The following PEX7 variants were observed in gnomAD, a reference collection of about 807,000 sequenced individuals.
PEX7 encodes the protein PTS2 receptor.
Under a neutral mutation model 47.5 loss-of-function variants are expected in PEX7, and 34 were observed. The ratio of observed to expected loss-of-function variants is 0.72; its 90% CI spans 0.54 to 0.95. The LOEUF (loss-of-function observed/expected upper bound fraction) is 0.95. PEX7 is among the 40% of genes least tolerant of loss of function. The probability of loss-of-function intolerance (pLI) is 0.00; values close to 1 mark genes in which losing one functional copy is unlikely to be tolerated. For missense variants in PEX7, 394 were observed against 400.3 expected (o/e 0.98, Z 0.13); for synonymous variants, 141 against 148.8 (o/e 0.95, Z 0.38).
intron 3 of PEX7, among the ~76,000 whole-genome samples, chr6:136,845,189 T>C (rs1303912491): frequency 6.6e-6 from 1 of 152,248 alleles, no homozygotes; most frequent in South Asian, 2.1e-4. Context: ...CTGCAAGCTT[T>C]TTCTAAGAAA....
chr6:136,891,932 A>G (rs992010883), intron 8 of PEX7, among the ~76,000 whole-genome samples: 7 of 152,076 alleles, frequency 4.6e-5, no homozygotes, highest in African/African-American at 1.7e-4. Flanking sequence ...GACCACTTCT[A>G]TTTTTTAATC....
chr6:136,883,695 G>A (rs1408177331), intron 8 of PEX7, among the ~76,000 whole-genome samples: 1 of 152,098 alleles, frequency 6.6e-6, no homozygotes, highest in African/African-American at 2.4e-5. Flanking sequence ...CCTTAGGCCT[G>A]CATATTCAGC....
At chr6:136,829,953 A>G (rs1440887082) in intron 3 of PEX7, 3 of 697,014 alleles carry the variant, frequency 4.3e-6, no homozygotes, top group Non-Finnish European at 7.9e-6. Flanking sequence ...AAGTTATTAA[A>G]AAAAAAAGTT....
intron 8 of PEX7, among the ~76,000 whole-genome samples, chr6:136,887,424 C>G (rs1775485095): frequency 6.6e-6 from 1 of 152,078 alleles, no homozygotes; most frequent in Admixed American, 6.6e-5. Flanking sequence ...ATCTGGCACT[C>G]AGAATTTTAT....
chr6:136,904,632 C>CT lies in PEX7; in HGVS notation c.903+6409dup, dbSNP rs772446747. Among the ~76,000 whole-genome samples, 735 of 129,582 alleles carry CT rather than the reference C, an allele frequency of 5.7e-3. 6 individuals are homozygous for CT. The highest frequency in any genetic ancestry group is 0.038 in the East Asian group (171 of 4,530). 85.0% of individuals were successfully genotyped at this position (129,582 alleles called of 152,430 possible). On this transcript the variant is annotated intron_variant, in intron 9 of 9. Coordinates refer to ENST00000318471, the MANE Select transcript of PEX7 (RefSeq NM_000288.4). ...ATAAGGGGGAGTTTCCCTGCACAAG[C>CT]TTTTTTTTTTTTTTTTTTACTGCTG...
chr6:136,869,883 T>C lies in PEX7; in HGVS notation c.634-7T>C, dbSNP rs367566981. 2.5e-6 allele frequency: 4 copies of C among 1,605,454 alleles called. No individual in the cohort carries two copies. Among genetic ancestry groups the C allele is most frequent in the African/African-American group, 1.3e-5 (1 of 74,758 alleles). On this transcript the variant is annotated splice_polypyrimidine_tract_variant and splice_region_variant and intron_variant, in intron 6 of 9. Coordinates refer to ENST00000318471, the MANE Select transcript of PEX7 (RefSeq NM_000288.4). The stretch of plus-strand genomic sequence containing the variant: ...TCACAGTTTATGTTTCTCTGAATTG[T>C]TTTTAGAATTTGCTGGTGACCGGGG...
intron 5 of PEX7, among the ~76,000 whole-genome samples, chr6:136,865,171 C>T (rs1775037114): frequency 6.6e-6 from 1 of 152,102 alleles, no homozygotes; most frequent in African/African-American, 2.4e-5. Context: ...AGCTTGTTGG[C>T]CAGGCATGGT....
At chr6:136,875,338 C>T (rs1775252473) in intron 8 of PEX7, among the ~76,000 whole-genome samples, 1 of 151,586 alleles carries the variant, frequency 6.6e-6, no homozygotes, top group Non-Finnish European at 1.5e-5. Flanking sequence ...CCCATAGATT[C>T]TGATATATAA....
chr6:136,823,046 C>T (rs954934806), intron 1 of PEX7: 6 of 985,318 alleles, frequency 6.1e-6, no homozygotes, highest in Admixed American at 1.2e-4. Context: ...AGCCCGTGTC[C>T]TTGTTCCTTG....
In PEX7 at chr6:136,852,229, A is replaced by G. The variant is rs368150975; in HGVS notation, c.526+6048A>G. The stretch of plus-strand genomic sequence containing the variant: ...TCAGCTTTCTGGAAGCACTGGAAGC[A>G]TTCCCTTTGAAAACTGGCACAAGAC... On this transcript the variant is annotated intron_variant, in intron 5 of 9. Transcript: ENST00000318471. Among the ~76,000 whole-genome samples, 36 of 152,208 alleles carry G rather than the reference A, an allele frequency of 2.4e-4. 4 individuals are homozygous for G. Among genetic ancestry groups the G allele is most frequent in the Admixed American group, 9.8e-4 (15 of 15,264 alleles).
intron 9 of PEX7, among the ~76,000 whole-genome samples, chr6:136,906,155 C>T (rs1369708388): frequency 4.6e-5 from 7 of 152,066 alleles, no homozygotes; most frequent in African/African-American, 9.7e-5. Flanking sequence ...ACCTGAAATA[C>T]GTTAAAGGTA....
chr6:136,868,974 A>C (rs1775123838), intron 6 of PEX7, among the ~76,000 whole-genome samples: 5 of 152,360 alleles, frequency 3.3e-5, no homozygotes, highest in Admixed American at 2.6e-4. Context: ...TGATTAATTT[A>C]GATTTAGAGA....
chr6:136,858,533 C>T (rs1774902867), intron 5 of PEX7, among the ~76,000 whole-genome samples: 1 of 152,252 alleles, frequency 6.6e-6, no homozygotes. Context: ...GAATTGTGGG[C>T]TTCATCTTAA....
chr6:136,884,183 G>A (rs1775427217), intron 8 of PEX7, among the ~76,000 whole-genome samples: 1 of 152,120 alleles, frequency 6.6e-6, no homozygotes, highest in African/African-American at 2.4e-5. Flanking sequence ...TCGTTCTAAT[G>A]CCTGTGTGAG....
At chr6:136,881,474 T>C (rs995430973) in intron 8 of PEX7, among the ~76,000 whole-genome samples, 3 of 152,214 alleles carry the variant, frequency 2.0e-5, no homozygotes, top group African/African-American at 7.2e-5. Context: ...ATTAATCTTT[T>C]GGTGATCTCA....
chr6:136,826,280 G>A lies in PEX7; in HGVS notation c.189-39G>A, dbSNP rs377160490. ...TTTTGTTGTGTAGCTGCCTATGTAA[G>A]TGTTGTATTTTTTTGTTGTTTGTTT... is the stretch of plus-strand genomic sequence containing the variant. On this transcript the variant is annotated intron_variant, in intron 2 of 9. Coordinates refer to ENST00000318471, the MANE Select transcript of PEX7 (RefSeq NM_000288.4). 3.7e-6 allele frequency: 6 copies of A among 1,608,306 alleles called. No homozygotes were observed. In the South Asian group the frequency reaches 4.4e-5, roughly 12 times the overall value.
intron 5 of PEX7, among the ~76,000 whole-genome samples, chr6:136,857,162 A>G (rs1422732088): frequency 2.6e-5 from 4 of 152,222 alleles, no homozygotes; most frequent in Non-Finnish European, 5.9e-5. Context: ...AGACAAGAAC[A>G]TTTACTCACT....
intron 3 of PEX7, among the ~76,000 whole-genome samples, chr6:136,827,802 G>A (rs1774223210): frequency 6.6e-6 from 1 of 151,668 alleles, no homozygotes; most frequent in South Asian, 2.1e-4. Flanking sequence ...AAAGTGCTGG[G>A]ATTATAGGCG....
At chr6:136,844,667 G>T (rs957148740) in intron 3 of PEX7, among the ~76,000 whole-genome samples, 5 of 151,318 alleles carry the variant, frequency 3.3e-5, no homozygotes, top group African/African-American at 1.2e-4. Context: ...CCCACCCCCA[G>T]CCCCTGGCAA....
Sources: allele counts gnomAD v4.1 joint callset (sites outside exome capture counted in the v4.1 genomes callset), GRCh38; gene constraint gnomAD v4.1.1; transcripts MANE v1.5; gene names NCBI Gene and HGNC (gene_info 2026-07-23, HGNC 2026-07-21).